FER: variants seen among roughly 807,000 people sequenced by gnomAD.
The protein encoded by FER is tyrosine-protein kinase Fer.
FER carries 63 observed loss-of-function variants against 111.0 expected under a neutral mutation model. That is an observed-to-expected ratio of 0.57 (90% CI 0.46 to 0.70). FER has a LOEUF of 0.70. FER is among the 30% of genes least tolerant of loss of function. The pLI is 0.00. For synonymous variants in FER, 327 were observed against 313.9 expected (o/e 1.04, Z -0.44); for missense variants, 914 against 954.0 (o/e 0.96, Z 0.55).
Position 109,183,200 on chromosome 5 carries a change from A to AGG in FER, c.2203+2300_2203+2301insGG, listed in dbSNP as rs1758462011. On this transcript the variant is annotated intron_variant, in intron 18 of 19. Coordinates refer to ENST00000281092, the MANE Select transcript of FER (RefSeq NM_005246.4). Reference sequence around the variant, plus strand: ...TTCTCCTAGCAACCCAGAGAAGTTTAGTTCCCACAGACTACAGTTACTGAA... The same window carrying AGG: ...TTCTCCTAGCAACCCAGAGAAGTTTAGGGTTCCCACAGACTACAGTTACTGAA... 2.7e-5 allele frequency among the ~76,000 whole-genome samples: 4 copies of AGG among 150,082 alleles called. No homozygotes were observed. The South Asian group carries it at 8.5e-4, about 32-fold the overall frequency.
intron 10 of FER, chr5:108,924,479 G>A (rs1232466899): frequency 6.9e-6 from 4 of 576,332 alleles, no homozygotes; most frequent in African/African-American, 5.8e-5. Context: ...TTTGTTGGCT[G>A]TATCTGTTCC....
chr5:108,766,319 A>G (rs941579269), intron 1 of FER, among the ~76,000 whole-genome samples: 3 of 152,228 alleles, frequency 2.0e-5, no homozygotes, highest in Non-Finnish European at 4.4e-5. Flanking sequence ...ACTTTACACC[A>G]AAGTGTACAA....
At chr5:108,953,818 G>C (rs1758069872) in intron 11 of FER, among the ~76,000 whole-genome samples, 1 of 151,956 alleles carries the variant, frequency 6.6e-6, no homozygotes, top group Non-Finnish European at 1.5e-5. Flanking sequence ...TTAAAAGTTA[G>C]TTCAGATTAC....
chr5:108,972,689 T>C (rs1760825088), intron 13 of FER, among the ~76,000 whole-genome samples: 1 of 149,522 alleles, frequency 6.7e-6, no homozygotes, highest in Non-Finnish European at 1.5e-5. Context: ...ATATTATTTT[T>C]GAAAAAATCT....
intron 13 of FER, among the ~76,000 whole-genome samples, chr5:108,960,333 C>G (rs1758976736): frequency 6.6e-6 from 1 of 151,930 alleles, no homozygotes. Flanking sequence ...GAGAGGGTGA[C>G]CTTTAATATT....
At position 108,843,212 on chromosome 5, in the gene FER, A is replaced by G. The variant is rs138676946; in HGVS notation, c.481+7405A>G. On this transcript the variant is annotated intron_variant, in intron 5 of 19. Transcript: ENST00000281092. ...ACTTCACTTAGAATAATAGTCTCCA[A>G]TCTCATCCAGGTCACTGCAAATGCT... Among the ~76,000 whole-genome samples, 947 of 152,298 alleles carry G rather than the reference A, an allele frequency of 6.2e-3. 15 individuals are homozygous for G. Among genetic ancestry groups the G allele is most frequent in the African/African-American group, 0.022 (911 of 41,568 alleles).
chr5:109,000,830 C>T (rs1227806185), intron 13 of FER, among the ~76,000 whole-genome samples: 2 of 152,034 alleles, frequency 1.3e-5, no homozygotes, highest in Non-Finnish European at 2.9e-5. Flanking sequence ...ATATCACCAC[C>T]TGTCCCACAG....
At chr5:109,015,149 C>T (rs1437223565) in intron 13 of FER, among the ~76,000 whole-genome samples, 1 of 151,922 alleles carries the variant, frequency 6.6e-6, no homozygotes, top group East Asian at 1.9e-4. Flanking sequence ...ATTTGATAAG[C>T]CCCTTGTTTC....
chr5:108,963,388 C>A (rs533119554), intron 13 of FER, among the ~76,000 whole-genome samples: 1 of 151,956 alleles, frequency 6.6e-6, no homozygotes, highest in Non-Finnish European at 1.5e-5. Context: ...CAAGTGAAAC[C>A]CCGTCTCTAC....
Position 109,090,816 on chromosome 5 carries a change from A to G in FER, c.1925-9580A>G, listed in dbSNP as rs186116304. Reference sequence around the variant, plus strand: ...AAGGAGTAAAAAGAAAAACAAATGGAGGAAAAGTGAAGAAAACCTAAGGGA... The same window carrying G: ...AAGGAGTAAAAAGAAAAACAAATGGGGGAAAAGTGAAGAAAACCTAAGGGA... On this transcript the variant is annotated intron_variant, in intron 16 of 19. Coordinates refer to ENST00000281092, the MANE Select transcript of FER (RefSeq NM_005246.4). 5.3e-5 allele frequency among the ~76,000 whole-genome samples: 8 copies of G among 152,296 alleles called. No homozygotes were observed. In the East Asian group the frequency reaches 1.5e-3, roughly 29 times the overall value.
chr5:109,083,892 T>A (rs1198253250), intron 16 of FER, among the ~76,000 whole-genome samples: 2 of 152,050 alleles, frequency 1.3e-5, no homozygotes, highest in Non-Finnish European at 2.9e-5. Flanking sequence ...ATGCTATGAA[T>A]AATAAAGTCC....
chr5:108,751,581 T>C (rs1750516313), intron 1 of FER, among the ~76,000 whole-genome samples: 1 of 152,232 alleles, frequency 6.6e-6, no homozygotes, highest in African/African-American at 2.4e-5. Context: ...CAAGGGACTA[T>C]CAATTATGTA....
chr5:109,034,575 C>T (rs1770102329), intron 13 of FER, among the ~76,000 whole-genome samples: 1 of 152,026 alleles, frequency 6.6e-6, no homozygotes, highest in Non-Finnish European at 1.5e-5. Context: ...CTTGACATGG[C>T]TTCTTTTCTT....
At chr5:108,940,948 C>T (rs540793184) in intron 10 of FER, among the ~76,000 whole-genome samples, 2 of 152,076 alleles carry the variant, frequency 1.3e-5, no homozygotes, top group Non-Finnish European at 2.9e-5. Flanking sequence ...CATTCTAGGG[C>T]AATGGCCCTT....
At chr5:108,912,087 C>T (rs2150360442) in intron 10 of FER, among the ~76,000 whole-genome samples, 1 of 152,244 alleles carries the variant, frequency 6.6e-6, no homozygotes, top group Non-Finnish European at 1.5e-5. Context: ...TAAGAAGTGC[C>T]TTTCGCCTTC....
intron 17 of FER, among the ~76,000 whole-genome samples, chr5:109,101,966 A>G (rs1409238377): frequency 6.6e-6 from 1 of 152,092 alleles, no homozygotes; most frequent in Non-Finnish European, 1.5e-5. Context: ...CACATTATTG[A>G]AACTTTTTTT....
Position 109,190,727 on chromosome 5 carries a change from A to ATGTAAT in FER, c.*3156_*3161dup, listed in dbSNP as rs1404206073. On this transcript the variant is annotated 3_prime_UTR_variant, in exon 20 of 20. Transcript: ENST00000281092. ...TGAGAGGTCTCCAGTGAAAGGTCTCATGTAATTGTTTCTCTTTTATCTCCC... is the reference window on the plus strand; with the variant it reads ...TGAGAGGTCTCCAGTGAAAGGTCTCATGTAATTGTAATTGTTTCTCTTTTATCTCCC... 10 of 152,254 alleles carry ATGTAAT rather than the reference A, an allele frequency of 6.6e-5. No homozygotes were observed. Among genetic ancestry groups the ATGTAAT allele is most frequent in the Admixed American group, 1.3e-4 (2 of 15,294 alleles). 9.4% of individuals were successfully genotyped at this position (152,254 alleles called of 1,614,324 possible). A position where few individuals can be genotyped will look rare whatever the true frequency, so the allele number is the denominator to read the frequency against.
At chr5:108,787,908 C>T (rs1446192029) in intron 2 of FER, among the ~76,000 whole-genome samples, 2 of 152,226 alleles carry the variant, frequency 1.3e-5, no homozygotes, top group African/African-American at 2.4e-5. Context: ...CTCCAGTTGT[C>T]TGCATACCTC....
intron 16 of FER, among the ~76,000 whole-genome samples, chr5:109,091,306 GGTGTA>G (rs1306387009): frequency 2.6e-5 from 4 of 152,160 alleles, no homozygotes; most frequent in African/African-American, 9.7e-5. Flanking sequence ...CTTGCATCCT[GGTGTA>G]GTGTTCCTTG....
Sources: allele counts gnomAD v4.1 joint callset (sites outside exome capture counted in the v4.1 genomes callset), GRCh38; gene constraint gnomAD v4.1.1; transcripts MANE v1.5; gene names NCBI Gene and HGNC (gene_info 2026-07-23, HGNC 2026-07-21).